TUBGCP4: variants seen among roughly 807,000 people sequenced by gnomAD.
TUBGCP4 encodes tubulin gamma complex component 4, also known as gamma-tubulin complex component 4.
Under a neutral mutation model 91.6 loss-of-function variants are expected in TUBGCP4, and 54 were observed. The ratio of observed to expected loss-of-function variants is 0.59; its 90% CI spans 0.47 to 0.74. TUBGCP4 has a LOEUF of 0.74. TUBGCP4 is among the 30% of genes least tolerant of loss of function. The pLI is 0.00. For missense variants in TUBGCP4, 593 were observed against 800.9 expected (o/e 0.74, Z 3.13); for synonymous variants, 297 against 302.8 (o/e 0.98, Z 0.20).
chr15:43,377,575 A>G, intron 4 of TUBGCP4: 2 of 377,280 alleles, frequency 5.3e-6, no homozygotes, highest in East Asian at 6.6e-5. Context: ...TCCTACCACT[A>G]TACTCCAGCC....
At chr15:43,399,971 C>G in intron 13 of TUBGCP4, 73 bp from the exon 14 acceptor site, 1 of 1,298,128 alleles carries the variant, frequency 7.7e-7, no homozygotes, top group Non-Finnish European at 1.1e-6. Flanking sequence ...GCACAAAGTC[C>G]TAGAGTCTGT....
intron 9 of TUBGCP4, 47 bp downstream of exon 9, chr15:43,386,377 A>ATATATATATATATATTTTT (rs1555394852): frequency 1.0e-4 from 2 of 19,092 alleles, no homozygotes; most frequent in African/African-American, 3.0e-4. Flanking sequence ...ATATATATAT[A>ATATATATATATATATTTTT]TTTTTTTTTT....
intron 14 of TUBGCP4, among the ~76,000 whole-genome samples, chr15:43,401,300 AAT>A (rs2044673518): frequency 6.6e-6 from 1 of 151,920 alleles, no homozygotes; most frequent in African/African-American, 2.4e-5. Context: ...AAAATACAAA[AAT>A]TAGCCATGCG....
At chr15:43,375,757 AG>A (rs1595476367) in intron 1 of TUBGCP4, among the ~76,000 whole-genome samples, 1 of 152,342 alleles carries the variant, frequency 6.6e-6, no homozygotes, top group East Asian at 1.9e-4. Context: ...TGTTGCAACC[AG>A]GTCAAAACCC....
chr15:43,409,640 T>G lies in TUBGCP4; in HGVS notation c.*4426T>G. On this transcript the variant is annotated 3_prime_UTR_variant, in exon 18 of 18. Transcript: ENST00000564079. ...ACTATATTAGGTTACACAAAGAAAC[T>G]CCTCACCTGGGCTTCATTGAAATCT... 1 of 1,502,000 alleles carries G rather than the reference T, an allele frequency of 6.7e-7. No individual in the cohort carries two copies. Among genetic ancestry groups the G allele is most frequent in the Non-Finnish European group, 9.0e-7 (1 of 1,112,462 alleles). 93.0% of individuals were successfully genotyped at this position (1,502,000 alleles called of 1,614,324 possible).
chr15:43,391,912 A>G (rs2044474196), intron 9 of TUBGCP4, among the ~76,000 whole-genome samples: 1 of 152,066 alleles, frequency 6.6e-6, no homozygotes, highest in Non-Finnish European at 1.5e-5. Flanking sequence ...AAAATTAGCC[A>G]GGTGCAGTGG....
At position 43,403,668 on chromosome 15, in the gene TUBGCP4, C is replaced by T; in HGVS notation, c.1732-15C>T. The T allele has an allele frequency of 6.3e-7, 1 of 1,590,632 alleles. No individual in the cohort carries two copies. ...CTTCCTTCCTTTCCTAATGCCAACT[C>T]TGTTTCCCGGGTAGGTGTTTCACTG... On this transcript the variant is annotated splice_polypyrimidine_tract_variant and intron_variant, in intron 15 of 17. Coordinates refer to ENST00000564079, the MANE Select transcript of TUBGCP4 (RefSeq NM_014444.5).
chr15:43,374,538 G>C (rs1793256976), intron 1 of TUBGCP4, among the ~76,000 whole-genome samples: 1 of 152,102 alleles, frequency 6.6e-6, no homozygotes, highest in Admixed American at 6.6e-5. Flanking sequence ...GTTGAACCTA[G>C]GGGTTCAAGG....
intron 7 of TUBGCP4, chr15:43,385,475 G>A: frequency 2.2e-6 from 1 of 457,050 alleles, no homozygotes; most frequent in Admixed American, 2.9e-5. Flanking sequence ...AGAAGACCTG[G>A]AAAACAAAAA....
At chr15:43,376,012 A>T (rs755659072) in intron 1 of TUBGCP4, 86 bp from the exon 2 acceptor site, 58 of 1,566,844 alleles carry the variant, frequency 3.7e-5, no homozygotes, top group Non-Finnish European at 5.1e-5. Flanking sequence ...AAAGAAAACG[A>T]TAAATGTGTA....
At chr15:43,391,939 C>G (rs570770254) in intron 9 of TUBGCP4, among the ~76,000 whole-genome samples, 1 of 152,040 alleles carries the variant, frequency 6.6e-6, no homozygotes, top group Non-Finnish European at 1.5e-5. Flanking sequence ...CCTATAGTCC[C>G]AGCTACTCGG....
intron 1 of TUBGCP4, among the ~76,000 whole-genome samples, chr15:43,371,634 A>AG (rs939141746): frequency 5.3e-5 from 8 of 151,820 alleles, no homozygotes; most frequent in African/African-American, 1.9e-4. Flanking sequence ...TAGAAAACGG[A>AG]GGGCAGACCT....
chr15:43,409,171 C>G lies in TUBGCP4; in HGVS notation c.*3957C>G. 1.4e-6 allele frequency: 2 copies of G among 1,395,744 alleles called. No individual in the cohort carries two copies. The highest frequency in any genetic ancestry group is 2.0e-6 in the Non-Finnish European group (2 of 993,118). The allele number at this position is 1,395,744 out of a possible 1,614,324, so 86.5% of individuals were successfully genotyped here. On this transcript the variant is annotated 3_prime_UTR_variant, in exon 18 of 18. Transcript: ENST00000564079. ...CTCCTAAGCAGCAGCCATAATGAGC[C>G]ATGAAGAGCAGATCTGAAGACTCCC...
chr15:43,404,230 T>C, intron 16 of TUBGCP4, 183 bp from the exon 17 acceptor site: 1 of 628,026 alleles, frequency 1.6e-6, no homozygotes, highest in South Asian at 2.3e-5. Flanking sequence ...TAGGAAGTCA[T>C]GCATGTATGG....
intron 6 of TUBGCP4, among the ~76,000 whole-genome samples, chr15:43,380,468 G>A (rs2044270536): frequency 6.6e-6 from 1 of 152,206 alleles, no homozygotes; most frequent in Non-Finnish European, 1.5e-5. Flanking sequence ...GCCAGATGTT[G>A]CTTGCTGTGT....
Position 43,385,828 on chromosome 15 carries a change from T to C in TUBGCP4, c.761T>C (p.Leu254Pro). 6.2e-7 allele frequency: 1 copy of C among 1,614,218 alleles called. No homozygotes were observed. The highest frequency in any genetic ancestry group is 8.5e-7 in the Non-Finnish European group (1 of 1,180,024). Residue 254 changes from leucine (L) to proline (P), a missense_variant, in exon 8 of 18, where the codon CTG (leucine) becomes CCG (proline). Physicochemically the swap from Leu to Pro is moderately conservative, Grantham distance 98. Coordinates refer to ENST00000564079, the MANE Select transcript of TUBGCP4 (RefSeq NM_014444.5). ...IEEENMLAPS[L>P]KQFSLRVEIL... ...GAAGAGAACATGCTGGCACCATCTC[T>C]GAAGCAGTTTTCCCTACGAGTGGAG...
chr15:43,376,973 T>G, intron 3 of TUBGCP4, 41 bp from the exon 4 acceptor site: 3 of 1,499,954 alleles, frequency 2.0e-6, no homozygotes, highest in Non-Finnish European at 2.8e-6. Flanking sequence ...AGATTTGAGA[T>G]ATTTTGTGTG....
intron 12 of TUBGCP4, 131 bp from the exon 13 acceptor site, chr15:43,397,910 C>T: frequency 2.3e-6 from 2 of 859,632 alleles, no homozygotes; most frequent in South Asian, 2.1e-5. Flanking sequence ...TGGGGTTTCA[C>T]TGTATTGCCC....
At chr15:43,397,171 T>A in intron 11 of TUBGCP4, 43 bp from the exon 12 acceptor site, 2 of 1,485,214 alleles carry the variant, frequency 1.3e-6, no homozygotes, top group Non-Finnish European at 1.9e-6. Context: ...GGGTTTGTTA[T>A]GTAGCCAAGC....
Sources: allele counts gnomAD v4.1 joint callset (sites outside exome capture counted in the v4.1 genomes callset), GRCh38; gene constraint gnomAD v4.1.1; transcripts MANE v1.5; gene names NCBI Gene and HGNC (gene_info 2026-07-23, HGNC 2026-07-21).